SND1: variants seen among roughly 807,000 people sequenced by gnomAD.
SND1 encodes staphylococcal nuclease domain-containing protein 1.
Under a neutral mutation model 121.7 loss-of-function variants are expected in SND1, and 38 were observed. The observed-to-expected ratio is 0.31, with a 90% CI of 0.24 to 0.41. The LOEUF is 0.41. SND1 is among the 10% of genes least tolerant of loss of function. The pLI is 1.00. For synonymous variants in SND1, 401 were observed against 447.4 expected (o/e 0.90, Z 1.31); for missense variants, 868 against 1,184.6 (o/e 0.73, Z 3.92).
chr7:127,661,962 A>G (rs1795319851), intron 1 of SND1, among the ~76,000 whole-genome samples: 2 of 146,530 alleles, frequency 1.4e-5, no homozygotes. Flanking sequence ...CTAAAAATAC[A>G]AAAATTAGCC....
Position 128,029,122 on chromosome 7 carries a change from G to A in SND1, c.1779+38066G>A, listed in dbSNP as rs900153637. The A allele has an allele frequency of 6.2e-7, 1 of 1,614,114 alleles. No individual in the cohort carries two copies. ...ATCTTGTCAGTGGTGTCTGTCGCGG[G>A]TACTGCCACCTGCTTGGGCACACGG... On this transcript the variant is annotated intron_variant, in intron 16 of 23. Coordinates refer to ENST00000354725, the MANE Select transcript of SND1 (RefSeq NM_014390.4). The surrounding 1 kb of genome is among the most constrained non-coding windows in gnomAD (Gnocchi z 4.2).
chr7:127,782,604 A>C, intron 10 of SND1, among the ~76,000 whole-genome samples: 1 of 152,198 alleles, frequency 6.6e-6, no homozygotes, highest in Non-Finnish European at 1.5e-5. Flanking sequence ...TTGGCAAGAG[A>C]GTCATGATGC....
At chr7:127,852,810 CA>C (rs61595990) in intron 12 of SND1, among the ~76,000 whole-genome samples, 42,762 of 144,738 alleles carry the variant, frequency 0.3, 7,559 homozygotes, top group East Asian at 0.71. Context: ...GACTTGGTCT[CA>C]AAAAAAAAAA....
chr7:127,963,531 A>G (rs1398851465), intron 15 of SND1, among the ~76,000 whole-genome samples: 32 of 93,802 alleles, frequency 3.4e-4, no homozygotes, highest in African/African-American at 1.4e-3. Context: ...GCGATAGTTT[A>G]CTGAGAATGA....
At chr7:127,657,286 A>G (rs991309593) in intron 1 of SND1, among the ~76,000 whole-genome samples, 23 of 152,212 alleles carry the variant, frequency 1.5e-4, no homozygotes, top group African/African-American at 5.5e-4. Flanking sequence ...CAAGATAGTG[A>G]TACCAGGTAA....
chr7:127,815,297 G>A (rs757952475), intron 11 of SND1, among the ~76,000 whole-genome samples: 4 of 151,954 alleles, frequency 2.6e-5, no homozygotes, highest in Non-Finnish European at 4.4e-5. Context: ...GGATTATGAT[G>A]GACCCTAAAT....
intron 16 of SND1, among the ~76,000 whole-genome samples, chr7:128,073,528 C>T (rs1793451002): frequency 6.6e-6 from 1 of 152,196 alleles, no homozygotes; most frequent in African/African-American, 2.4e-5. Context: ...ATCCCTCATC[C>T]CTTCTAACCT....
chr7:127,711,070 C>T (rs1024437572), intron 9 of SND1, among the ~76,000 whole-genome samples: 2 of 152,202 alleles, frequency 1.3e-5, no homozygotes, highest in African/African-American at 4.8e-5. Context: ...GAGATTCATT[C>T]AGTCTGCTAA....
At chr7:127,793,977 C>T (rs905074230) in intron 10 of SND1, among the ~76,000 whole-genome samples, 1 of 152,172 alleles carries the variant, frequency 6.6e-6, no homozygotes, top group Non-Finnish European at 1.5e-5. Flanking sequence ...AATTGCTATG[C>T]CAGCTGGGTA....
At chr7:128,083,425 G>A (rs914562710) in intron 18 of SND1, among the ~76,000 whole-genome samples, 5 of 152,254 alleles carry the variant, frequency 3.3e-5, no homozygotes, top group African/African-American at 1.2e-4. Context: ...TAGGGAGAGG[G>A]GCGGCTGCTA....
intron 13 of SND1, among the ~76,000 whole-genome samples, chr7:127,901,786 G>A (rs1234982303): frequency 6.6e-6 from 1 of 152,154 alleles, no homozygotes; most frequent in East Asian, 1.9e-4. Flanking sequence ...ATTGATAAGA[G>A]TTTAACAGTA....
intron 12 of SND1, among the ~76,000 whole-genome samples, chr7:127,884,100 C>T (rs1183692658): frequency 6.6e-6 from 1 of 152,062 alleles, no homozygotes; most frequent in Non-Finnish European, 1.5e-5. Context: ...CAGTTATAAT[C>T]CACTCAAATT....
chr7:127,665,467 G>A (rs940518284), intron 1 of SND1, among the ~76,000 whole-genome samples: 4 of 152,080 alleles, frequency 2.6e-5, no homozygotes, highest in African/African-American at 7.2e-5. Context: ...GATTACAGGC[G>A]TGAGACACCG....
At chr7:127,667,995 CAG>C (rs1238763170) in intron 1 of SND1, among the ~76,000 whole-genome samples, 3 of 152,058 alleles carry the variant, frequency 2.0e-5, no homozygotes, top group African/African-American at 7.2e-5. Flanking sequence ...GCTACAGTCT[CAG>C]GGGAAGAAAA....
rs73455779 is a variant in SND1 at position 128,057,023 on chromosome 7, G to C, written c.1780-17479G>C. 2.6e-3 allele frequency among the ~76,000 whole-genome samples: 394 copies of C among 152,258 alleles called. 1 individual carries two copies. Among genetic ancestry groups the C allele is most frequent in the African/African-American group, 8.6e-3 (356 of 41,530 alleles). Reference sequence around the variant, plus strand: ...TAGCATCTACAGCCTGGATATGCTGGACTGAGGGATGATTCATGTCCCAGG... The same window carrying C: ...TAGCATCTACAGCCTGGATATGCTGCACTGAGGGATGATTCATGTCCCAGG... On this transcript the variant is annotated intron_variant, in intron 16 of 23. Coordinates refer to ENST00000354725, the MANE Select transcript of SND1 (RefSeq NM_014390.4).
At chr7:128,084,658 A>G (rs1032502886) in intron 18 of SND1, 66 bp from the exon 19 acceptor site, 1 of 1,505,952 alleles carries the variant, frequency 6.6e-7, no homozygotes, top group African/African-American at 1.4e-5. Flanking sequence ...CCACTCCCAG[A>G]AAAACCCTGC....
chr7:128,081,585 T>A, intron 18 of SND1, 84 bp downstream of exon 18: 1 of 1,531,312 alleles, frequency 6.5e-7, no homozygotes, highest in Non-Finnish European at 8.9e-7. Flanking sequence ...GCCCAGTGGG[T>A]GGGAGGAACA....
intron 15 of SND1, among the ~76,000 whole-genome samples, chr7:127,955,802 A>G (rs572370314): frequency 1.3e-5 from 2 of 152,304 alleles, no homozygotes; most frequent in African/African-American, 4.8e-5. Flanking sequence ...TCTAAGACAC[A>G]TATCTGCTCA....
At chr7:128,063,202 G>A (rs1402646003) in intron 16 of SND1, among the ~76,000 whole-genome samples, 2 of 152,174 alleles carry the variant, frequency 1.3e-5, no homozygotes, top group Admixed American at 6.5e-5. Context: ...TGGGTGGTGA[G>A]GAGGTGGTGG....
Sources: allele counts gnomAD v4.1 joint callset (sites outside exome capture counted in the v4.1 genomes callset), GRCh38; gene constraint gnomAD v4.1.1; non-coding constraint Gnocchi (gnomAD v3.1); transcripts MANE v1.5; gene names NCBI Gene and HGNC (gene_info 2026-07-23, HGNC 2026-07-21).